The following GRM8 variants were observed in gnomAD, a reference collection of about 807,000 sequenced individuals.
GRM8 encodes the protein glutamate metabotropic receptor 8, also known as metabotropic glutamate receptor 8.
Under a neutral mutation model 87.2 loss-of-function variants are expected in GRM8, and 47 were observed. The observed-to-expected ratio is 0.54, with a 90% CI of 0.43 to 0.69. The LOEUF (loss-of-function observed/expected upper bound fraction) is 0.69. GRM8 is among the 30% of genes least tolerant of loss of function. The pLI is 0.00. For missense variants in GRM8, 1,019 were observed against 1,139.2 expected, an observed-to-expected ratio of 0.89 and a Z score of 1.52; for synonymous variants, 396 against 404.5, an observed-to-expected ratio of 0.98 and a Z score of 0.25.
intron 9 of GRM8, among the ~76,000 whole-genome samples, chr7:126,449,813 T>C (rs933246742): frequency 2.6e-5 from 4 of 151,816 alleles, no homozygotes; most frequent in African/African-American, 4.8e-5. Context: ...ATGTCAATAA[T>C]AATCTTCTCT....
chr7:126,864,290 T>C (rs910115336), intron 6 of GRM8, among the ~76,000 whole-genome samples: 1 of 152,174 alleles, frequency 6.6e-6, no homozygotes, highest in Non-Finnish European at 1.5e-5. Flanking sequence ...CTCTACTACA[T>C]ACAGTTACCT....
chr7:126,532,042 CT>C (rs1445832233), intron 9 of GRM8, among the ~76,000 whole-genome samples: 12 of 152,222 alleles, frequency 7.9e-5, no homozygotes, highest in Non-Finnish European at 2.9e-5. Context: ...GTTTTTCAAG[CT>C]GGTTTATCTC....
rs1215205523 is a variant in GRM8 at position 126,970,389 on chromosome 7, T to C, written c.728-65706A>G. ...TAGATAAGTTGCTTCAGCTTCTACATTAGCACCTTCTGCTTTACCTGGCAT... is the reference window on the plus strand; with the variant it reads ...TAGATAAGTTGCTTCAGCTTCTACACTAGCACCTTCTGCTTTACCTGGCAT... On this transcript the variant is annotated intron_variant, in intron 3 of 10. Coordinates refer to ENST00000339582, the MANE Select transcript of GRM8 (RefSeq NM_000845.3). 2.6e-5 allele frequency among the ~76,000 whole-genome samples: 4 copies of C among 152,214 alleles called. No individual in the cohort carries two copies. In the East Asian group the frequency reaches 5.8e-4, roughly 22 times the overall value.
chr7:126,757,790 T>C (rs943738327), intron 7 of GRM8, among the ~76,000 whole-genome samples: 1 of 151,992 alleles, frequency 6.6e-6, no homozygotes, highest in Non-Finnish European at 1.5e-5. Context: ...AGCTAGGAGG[T>C]GTATTATATT....
Position 126,439,055 on chromosome 7 carries a change from C to T in GRM8, c.*64G>A, listed in dbSNP as rs148884943. 25 of 935,850 alleles carry T rather than the reference C, an allele frequency of 2.7e-5. No homozygotes were observed. Among genetic ancestry groups the T allele is most frequent in the East Asian group, 9.6e-5 (4 of 41,684 alleles). 58.0% of individuals were successfully genotyped at this position (935,850 alleles called of 1,614,324 possible). On this transcript the variant is annotated 3_prime_UTR_variant, in exon 11 of 11. Coordinates refer to ENST00000339582, the MANE Select transcript of GRM8 (RefSeq NM_000845.3). ...GGAGATCTCCAGGAGTGAATTTTTG[C>T]GGTCTCATGTTCATCATTTAAGATC...
chr7:126,610,867 T>A (rs936866799), intron 7 of GRM8, among the ~76,000 whole-genome samples: 1 of 152,310 alleles, frequency 6.6e-6, no homozygotes, highest in East Asian at 1.9e-4. Flanking sequence ...TCTGGTATCA[T>A]CAGGAACTGC....
At chr7:127,227,246 A>T (rs1210363275) in intron 2 of GRM8, among the ~76,000 whole-genome samples, 1 of 152,210 alleles carries the variant, frequency 6.6e-6, no homozygotes, top group Non-Finnish European at 1.5e-5. Context: ...CCCCCAAAAA[A>T]GTGGCTGAAA....
chr7:126,530,866 G>T (rs1194909785), intron 9 of GRM8, among the ~76,000 whole-genome samples: 1 of 152,108 alleles, frequency 6.6e-6, no homozygotes, highest in African/African-American at 2.4e-5. Context: ...GTAGGGCAGT[G>T]GCATGATCCT....
At chr7:126,791,412 G>T (rs1821304284) in intron 6 of GRM8, among the ~76,000 whole-genome samples, 1 of 152,042 alleles carries the variant, frequency 6.6e-6, no homozygotes, top group African/African-American at 2.4e-5. Context: ...TGTCTACATT[G>T]TCTTATATGA....
At chr7:127,160,161 C>A (rs951116725) in intron 2 of GRM8, among the ~76,000 whole-genome samples, 38 of 152,222 alleles carry the variant, frequency 2.5e-4, no homozygotes, top group African/African-American at 9.1e-4. Context: ...TATACACCTA[C>A]TTAGATTAAA....
At chr7:126,474,685 T>C (rs1334844736) in intron 9 of GRM8, among the ~76,000 whole-genome samples, 1 of 152,208 alleles carries the variant, frequency 6.6e-6, no homozygotes, top group Non-Finnish European at 1.5e-5. Flanking sequence ...TGTGCTGCTA[T>C]AGCTTTTTCC....
At chr7:126,726,101 T>C (rs1812938989) in intron 7 of GRM8, among the ~76,000 whole-genome samples, 1 of 152,162 alleles carries the variant, frequency 6.6e-6, no homozygotes, top group Admixed American at 6.6e-5. Context: ...AATAATATTT[T>C]CTCACAGCAT....
intron 3 of GRM8, among the ~76,000 whole-genome samples, chr7:126,939,471 G>A (rs1229499698): frequency 6.6e-6 from 1 of 152,146 alleles, no homozygotes; most frequent in Non-Finnish European, 1.5e-5. Flanking sequence ...GTTGCTATGG[G>A]TATTAAATGA....
chr7:126,982,931 G>A (rs1213932096), intron 3 of GRM8, among the ~76,000 whole-genome samples: 1 of 151,992 alleles, frequency 6.6e-6, no homozygotes, highest in African/African-American at 2.4e-5. Context: ...TTAATCACAG[G>A]GCATGGTAAT....
intron 6 of GRM8, among the ~76,000 whole-genome samples, chr7:126,808,861 C>T (rs897504625): frequency 1.3e-5 from 2 of 152,112 alleles, no homozygotes; most frequent in African/African-American, 4.8e-5. Flanking sequence ...ACATTTGATG[C>T]CTACCACAGA....
At chr7:126,649,361 G>A (rs542491786) in intron 7 of GRM8, among the ~76,000 whole-genome samples, 42 of 152,242 alleles carry the variant, frequency 2.8e-4, no homozygotes, top group African/African-American at 1.0e-3. Context: ...AGACTAGACT[G>A]GCTTAGCCTC....
rs1014313418 is a variant in GRM8 at position 127,208,019 on chromosome 7, C to T, written c.510+34676G>A. Among the ~76,000 whole-genome samples the T allele has an allele frequency of 5.9e-5, 9 of 152,226 alleles. No individual in the cohort carries two copies. The South Asian group carries it at 6.2e-4, about 11-fold the overall frequency. ...ACTCTCACCACCAGATGCTGACCCCCGGCCGATTCCACAAGCCATACCCAC... is the reference window on the plus strand; with the variant it reads ...ACTCTCACCACCAGATGCTGACCCCTGGCCGATTCCACAAGCCATACCCAC... On this transcript the variant is annotated intron_variant, in intron 2 of 10. Coordinates refer to ENST00000339582, the MANE Select transcript of GRM8 (RefSeq NM_000845.3).
intron 7 of GRM8, among the ~76,000 whole-genome samples, chr7:126,617,219 A>G (rs1289449795): frequency 1.3e-5 from 2 of 152,234 alleles, no homozygotes; most frequent in African/African-American, 2.4e-5. Context: ...AGGCTGGTTC[A>G]ACATACGAAA....
rs569257375 is a variant in GRM8, at chr7:126,811,084, G to A, written c.1157-41019C>T. On this transcript the variant is annotated intron_variant, in intron 6 of 10. Transcript: ENST00000339582. ...TAGAGGCCCAGTTTCATTCTTCTGCGTATGGCTATCCAATTTTCCCAGCAT... is the reference window on the plus strand; with the variant it reads ...TAGAGGCCCAGTTTCATTCTTCTGCATATGGCTATCCAATTTTCCCAGCAT... Among the ~76,000 whole-genome samples, 120 of 152,082 alleles carry A rather than the reference G, an allele frequency of 7.9e-4. 1 individual carries two copies. Among genetic ancestry groups the A allele is most frequent in the Middle Eastern group, 3.4e-3 (1 of 294 alleles).
Sources: gnomAD v4.1 joint callset for allele counts (sites outside exome capture counted in the v4.1 genomes callset) on GRCh38, gnomAD v4.1.1 for gene constraint, MANE v1.5 for transcripts, NCBI Gene and HGNC (gene_info 2026-07-23, HGNC 2026-07-21) for gene names.